SNX30: variants seen among roughly 807,000 people sequenced by gnomAD.
The protein encoded by SNX30 is sorting nexin-30.
A neutral mutation model predicts 46.4 loss-of-function variants in SNX30; 24 were observed. The ratio of observed to expected loss-of-function variants is 0.52; its 90% CI spans 0.37 to 0.73. SNX30 has a LOEUF of 0.73. SNX30 is among the 30% of genes least tolerant of loss of function. The probability of loss-of-function intolerance (pLI) is 0.00; values close to 1 mark genes in which losing one functional copy is unlikely to be tolerated. For missense variants in SNX30, 533 were observed against 555.7 expected (o/e 0.96, Z 0.41); for synonymous variants, 189 against 211.5 (o/e 0.89, Z 0.92).
At chr9:112,850,195 G>A (rs866628271) in intron 6 of SNX30, among the ~76,000 whole-genome samples, 10 of 152,218 alleles carry the variant, frequency 6.6e-5, no homozygotes, top group Admixed American at 1.3e-4. Context: ...GGCCCATTGA[G>A]CCTTCACTCT....
chr9:112,865,775 G>A (rs113477079), intron 8 of SNX30, among the ~76,000 whole-genome samples: 2 of 143,806 alleles, frequency 1.4e-5, no homozygotes, highest in African/African-American at 5.2e-5. Context: ...ATGTATGTAT[G>A]TATATATATA....
intron 1 of SNX30, among the ~76,000 whole-genome samples, chr9:112,792,401 C>T (rs1366934506): frequency 1.3e-5 from 2 of 152,086 alleles, no homozygotes; most frequent in Non-Finnish European, 2.9e-5. Flanking sequence ...ATAGTTATTG[C>T]CTGTTCCCTT....
At chr9:112,816,434 T>C (rs1178701299) in intron 2 of SNX30, among the ~76,000 whole-genome samples, 1 of 152,212 alleles carries the variant, frequency 6.6e-6, no homozygotes, top group African/African-American at 2.4e-5. Flanking sequence ...AAGTCACAAA[T>C]ACCTACATTG....
At chr9:112,847,389 G>T (rs1840955360) in intron 6 of SNX30, among the ~76,000 whole-genome samples, 1 of 151,182 alleles carries the variant, frequency 6.6e-6, no homozygotes. Flanking sequence ...CACAAATCCT[G>T]GAATCATATT....
rs966819431 is a variant in SNX30 at position 112,870,009 on chromosome 9, C to G, written c.*1166C>G. 6.6e-6 allele frequency: 1 copy of G among 152,148 alleles called. No individual in the cohort carries two copies. Among genetic ancestry groups the G allele is most frequent in the African/African-American group, 2.4e-5 (1 of 41,430 alleles). 9.4% of individuals were successfully genotyped at this position (152,148 alleles called of 1,614,324 possible). A position where few individuals can be genotyped will look rare whatever the true frequency, so the allele number is the denominator to read the frequency against. ...GGACGGGCCTCGAAAATGACAAATG[C>G]AACAGCGAGCCCTTTGTGTCCAGCT... On this transcript the variant is annotated 3_prime_UTR_variant, in exon 9 of 9. Transcript: ENST00000374232.
chr9:112,822,307 T>A (rs1449049414), intron 3 of SNX30, among the ~76,000 whole-genome samples: 1 of 152,190 alleles, frequency 6.6e-6, no homozygotes, highest in Non-Finnish European at 1.5e-5. Context: ...TCACTGTGTT[T>A]TTCTTCATTA....
At chr9:112,773,867 A>C (rs1368001362) in intron 1 of SNX30, among the ~76,000 whole-genome samples, 1 of 152,236 alleles carries the variant, frequency 6.6e-6, no homozygotes, top group Non-Finnish European at 1.5e-5. Flanking sequence ...TGATTATAGT[A>C]GAAATGTTCA....
chr9:112,842,810 G>C (rs1004463838), intron 6 of SNX30, among the ~76,000 whole-genome samples: 7 of 152,228 alleles, frequency 4.6e-5, no homozygotes, highest in Admixed American at 4.6e-4. Context: ...AAGGCACTCG[G>C]AACAAATGGA....
chr9:112,829,180 C>T (rs1244142290), intron 3 of SNX30, among the ~76,000 whole-genome samples: 1 of 152,100 alleles, frequency 6.6e-6, no homozygotes, highest in African/African-American at 2.4e-5. Context: ...TTGCTTCTGC[C>T]TTTTGGTCAT....
At chr9:112,885,355 T>C (rs939650260), downstream of SNX30, 1 of 152,108 alleles carries the variant, frequency 6.6e-6, no homozygotes, top group African/African-American at 2.4e-5. Context: ...AGTCCTCATG[T>C]GCTACTAGGC....
At chr9:112,883,080 C>T (rs1841600800), downstream of SNX30, among the ~76,000 whole-genome samples, 1 of 152,138 alleles carries the variant, frequency 6.6e-6, no homozygotes, top group Non-Finnish European at 1.5e-5. Flanking sequence ...ACGGATGCAG[C>T]TAATAAGTCA....
At chr9:112,882,055 G>T (rs4979178), downstream of SNX30, among the ~76,000 whole-genome samples, 1 of 152,010 alleles carries the variant, frequency 6.6e-6, no homozygotes, top group Non-Finnish European at 1.5e-5. Context: ...GGCCAGGCCA[G>T]CTTATGCAGG....
chr9:112,774,374 T>C (rs2131368082), intron 1 of SNX30, among the ~76,000 whole-genome samples: 1 of 152,140 alleles, frequency 6.6e-6, no homozygotes, highest in South Asian at 2.1e-4. Context: ...GTCTGTAAGG[T>C]CATGTTACTA....
At chr9:112,775,116 A>C (rs1034759904) in intron 1 of SNX30, among the ~76,000 whole-genome samples, 1 of 148,540 alleles carries the variant, frequency 6.7e-6, no homozygotes. Flanking sequence ...CTGTGATTAC[A>C]GGTATGAGCC....
intron 4 of SNX30, among the ~76,000 whole-genome samples, chr9:112,834,880 A>ACG (rs1479158604): frequency 3.8e-5 from 3 of 79,026 alleles, no homozygotes; most frequent in African/African-American, 9.5e-5. Context: ...ACACACACAC[A>ACG]CACCTACCTC....
intron 1 of SNX30, among the ~76,000 whole-genome samples, chr9:112,789,977 T>C (rs1051052358): frequency 6.6e-6 from 1 of 152,194 alleles, no homozygotes; most frequent in African/African-American, 2.4e-5. Context: ...GAATCCAAAG[T>C]AGAAACACAT....
intron 8 of SNX30, among the ~76,000 whole-genome samples, chr9:112,865,771 G>GTA (rs1294646924): frequency 1.4e-5 from 2 of 145,960 alleles, no homozygotes; most frequent in African/African-American, 5.2e-5. Flanking sequence ...ATGTATGTAT[G>GTA]TATGTATATA....
rs1470706540 is a variant in SNX30, at chr9:112,874,377, C to G, written c.*5534C>G. 3.3e-5 allele frequency: 5 copies of G among 152,202 alleles called. No homozygotes were observed. Among genetic ancestry groups the G allele is most frequent in the African/African-American group, 4.8e-5 (2 of 41,454 alleles). 9.4% of individuals were successfully genotyped at this position (152,202 alleles called of 1,614,324 possible). A position where few individuals can be genotyped will look rare whatever the true frequency, so the allele number is the denominator to read the frequency against. On this transcript the variant is annotated 3_prime_UTR_variant, in exon 9 of 9. Coordinates refer to ENST00000374232, the MANE Select transcript of SNX30 (RefSeq NM_001012994.2). ...GAGTGCATTGAGAGATGATGTCCAT[C>G]TGATATATTCCTGTGAAATAAACTG...
intron 5 of SNX30, among the ~76,000 whole-genome samples, chr9:112,881,247 G>A (rs937728302): frequency 2.0e-5 from 3 of 152,136 alleles, no homozygotes; most frequent in Non-Finnish European, 4.4e-5. Flanking sequence ...AAGCTACAGC[G>A]CAGCACTTCT....
Sources: gnomAD v4.1 joint callset for allele counts (sites outside exome capture counted in the v4.1 genomes callset) on GRCh38, gnomAD v4.1.1 for gene constraint, MANE v1.5 for transcripts, NCBI Gene and HGNC (gene_info 2026-07-23, HGNC 2026-07-21) for gene names.